TRIM14: variants seen among roughly 807,000 people sequenced by gnomAD.
TRIM14 encodes tripartite motif containing 14.
In TRIM14, 28 loss-of-function variants were observed where a neutral mutation model predicts 44.5. The observed-to-expected ratio is 0.63, with a 90% CI of 0.47 to 0.86. The LOEUF is 0.86. Among genes scored for constraint, TRIM14 ranks in the 40% least tolerant of loss-of-function variants. TRIM14 has a pLI of 0.00. For synonymous variants in TRIM14, 299 were observed against 269.2 expected (o/e 1.11, Z -1.08); for missense variants, 607 against 611.1 (o/e 0.99, Z 0.07).
chr9:98,103,593 C>A (rs1163287960), intron 2 of TRIM14, among the ~76,000 whole-genome samples: 2 of 152,044 alleles, frequency 1.3e-5, no homozygotes. Flanking sequence ...AATTCCAGCA[C>A]TTTGGGAGGC....
rs779274244 is a variant in TRIM14, at chr9:98,094,913, G to A, written c.654C>T (p.Ala218=). 11 of 1,614,076 alleles carry A rather than the reference G, an allele frequency of 6.8e-6. No individual in the cohort carries two copies. The highest frequency in any genetic ancestry group is 5.5e-5 in the South Asian group (5 of 91,088). The change falls in exon 4 of 6, where the codon GCC becomes GCT. Residue 218 remains alanine, a synonymous_variant. Transcript: ENST00000341469. The part of the protein sequence containing the change: ...VKSFFKGLVE[A]VESTLQTPLD... Reference sequence around the variant, plus strand: ...ATGGCGTCTGTAATGTACTCTCCACGGCTTCCACGAGGCCCTTAAAGAAGC... The same window carrying A: ...ATGGCGTCTGTAATGTACTCTCCACAGCTTCCACGAGGCCCTTAAAGAAGC...
intron 5 of TRIM14, among the ~76,000 whole-genome samples, 155 bp downstream of exon 5, chr9:98,091,754 T>C (rs1564175349): frequency 6.6e-6 from 1 of 150,908 alleles, no homozygotes; most frequent in Non-Finnish European, 1.5e-5. Context: ...TTGCCTTTAA[T>C]AATAAACATT....
the TRIM14 span, among the ~76,000 whole-genome samples, chr9:98,055,934 T>C: frequency 3.9e-5 from 6 of 152,082 alleles, no homozygotes; most frequent in African/African-American, 1.4e-4. Flanking sequence ...GAGACGGGGT[T>C]TCTCCATATT....
At chr9:98,092,123 G>A (rs868656514) in intron 4 of TRIM14, 122 bp from the exon 5 acceptor site, 1 of 673,250 alleles carries the variant, frequency 1.5e-6, no homozygotes, top group Middle Eastern at 2.7e-4. Context: ...GCAGATTTAA[G>A]GGATTTATGT....
the TRIM14 span, among the ~76,000 whole-genome samples, chr9:98,047,494 C>G: frequency 6.6e-6 from 1 of 152,032 alleles, no homozygotes; most frequent in Non-Finnish European, 1.5e-5. Flanking sequence ...CACCACAGAG[C>G]CTGTTTTGGG....
chr9:98,043,793 A>C, the TRIM14 span, among the ~76,000 whole-genome samples: 2 of 151,924 alleles, frequency 1.3e-5, no homozygotes, highest in African/African-American at 4.8e-5. Context: ...GCAGAGTTAA[A>C]GCAAGCAGAA....
downstream of TRIM14, among the ~76,000 whole-genome samples, chr9:98,080,606 G>A (rs1435171164): frequency 6.6e-6 from 1 of 152,160 alleles, no homozygotes; most frequent in Admixed American, 6.5e-5. Flanking sequence ...CATTTACAAT[G>A]TGCTGAGTGC....
At chr9:98,061,473 T>C in the TRIM14 span, among the ~76,000 whole-genome samples, 1 of 100,640 alleles carries the variant, frequency 9.9e-6, no homozygotes. Flanking sequence ...CAAGAGTCCA[T>C]CTCAAATTAA....
chr9:98,066,026 AC>A (rs1414550132), downstream of TRIM14, among the ~76,000 whole-genome samples: 1 of 152,170 alleles, frequency 6.6e-6, no homozygotes, highest in Admixed American at 6.5e-5. Flanking sequence ...CTAAGTCCTA[AC>A]CTGGTTGTTA....
chr9:98,072,714 G>C (rs182011711), intron 6 of TRIM14, among the ~76,000 whole-genome samples: 1 of 152,232 alleles, frequency 6.6e-6, no homozygotes, highest in African/African-American at 2.4e-5. Flanking sequence ...CGGCAGGAAA[G>C]TGCATTCTTT....
the TRIM14 span, among the ~76,000 whole-genome samples, chr9:98,037,363 G>A: frequency 1.3e-5 from 2 of 152,160 alleles, no homozygotes; most frequent in African/African-American, 2.4e-5. Flanking sequence ...GGGCGACAGA[G>A]CAAGACTCCA....
At chr9:98,101,379 G>A (rs1418484007) in intron 2 of TRIM14, among the ~76,000 whole-genome samples, 1 of 152,042 alleles carries the variant, frequency 6.6e-6, no homozygotes, top group Non-Finnish European at 1.5e-5. Context: ...TGGGTGGTAG[G>A]GTCTATTGGT....
chr9:98,068,848 A>T (rs546254083), downstream of TRIM14, among the ~76,000 whole-genome samples: 6 of 151,880 alleles, frequency 4.0e-5, no homozygotes, highest in Admixed American at 3.9e-4. Flanking sequence ...AAAAAAATTG[A>T]TAACACCACA....
chr9:98,087,670 C>T lies in TRIM14; in HGVS notation c.1129G>A (p.Gly377Ser). 1 of 1,602,746 alleles carries T rather than the reference C, an allele frequency of 6.2e-7. No individual in the cohort carries two copies. Residue 377 changes from glycine (G) to serine (S), a missense_variant, in exon 6 of 6, where the codon GGC becomes AGC. Coordinates refer to ENST00000341469, the MANE Select transcript of TRIM14 (RefSeq NM_014788.4). ...YDLEYWAFHDGQRSRLRPRDD... is the reference protein window; with the variant it reads ...YDLEYWAFHDSQRSRLRPRDD... ...CGGGGCCGCAGGCGGCTGCGCTGGC[C>T]GTCGTGGAAGGCCCAGTACTCAAGG... is the stretch of plus-strand genomic sequence containing the variant.
chr9:98,078,561 C>T (rs901688900), intron 6 of TRIM14, among the ~76,000 whole-genome samples: 7 of 151,912 alleles, frequency 4.6e-5, no homozygotes, highest in Admixed American at 3.9e-4. Flanking sequence ...CTTGGCCAGG[C>T]GCGGTGGGTC....
In TRIM14 at chr9:98,078,306, T is replaced by C. The variant is rs878852981; in HGVS notation, c.*29-8619A>G. The stretch of plus-strand genomic sequence containing the variant: ...CTGCTTCTTGCAGTGTACCAGCGCA[T>C]ACCCGCTCCAGCCTGAGGACGTCAA... On this transcript the variant is annotated intron_variant, in intron 6 of 6. Coordinates refer to the TRIM14 transcript ENST00000375098. 6.2e-6 allele frequency: 10 copies of C among 1,613,820 alleles called. No homozygotes were observed. Among genetic ancestry groups the C allele is most frequent in the African/African-American group, 2.7e-5 (2 of 74,824 alleles).
At chr9:98,090,500 A>G (rs1380431394) in intron 5 of TRIM14, among the ~76,000 whole-genome samples, 2 of 151,690 alleles carry the variant, frequency 1.3e-5, no homozygotes, top group African/African-American at 4.8e-5. Flanking sequence ...TGGTTACAAA[A>G]TATGTTTCCT....
Position 98,119,204 on chromosome 9 carries a change from C to G in TRIM14, c.-16G>C, listed in dbSNP as rs1195071399. The G allele has an allele frequency of 9.6e-6, 15 of 1,566,218 alleles. No homozygotes were observed. Among genetic ancestry groups the G allele is most frequent in the Non-Finnish European group, 1.0e-5 (12 of 1,166,914 alleles). Reference sequence around the variant, plus strand: ...CGCCCGCCATTCATCTCCACCTCCTCCGGCTCCCCGGGACACAGGGCGGGG... The same window carrying G: ...CGCCCGCCATTCATCTCCACCTCCTGCGGCTCCCCGGGACACAGGGCGGGG... On this transcript the variant is annotated 5_prime_UTR_variant, in exon 1 of 6. Transcript: ENST00000341469.
downstream of TRIM14, chr9:98,083,004 C>T (rs748262193): frequency 9.3e-6 from 15 of 1,614,070 alleles, no homozygotes; most frequent in Admixed American, 1.7e-4. Context: ...AAGAGGATGA[C>T]ACCATCATGG....
Sources: allele counts gnomAD v4.1 joint callset (sites outside exome capture counted in the v4.1 genomes callset), GRCh38; gene constraint gnomAD v4.1.1; transcripts MANE v1.5; gene names NCBI Gene and HGNC (gene_info 2026-07-23, HGNC 2026-07-21).